Variants in BMAL1 observed in about 807,000 individuals in gnomAD.
BMAL1 encodes the protein basic helix-loop-helix ARNT like 1.
At chr11:13,326,924 A>G in the BMAL1 span, among the ~76,000 whole-genome samples, 1 of 151,830 alleles carries the variant, frequency 6.6e-6, no homozygotes, top group Non-Finnish European at 1.5e-5. Flanking sequence ...GGTTCACGCC[A>G]GTCTCCTGCC....
At chr11:13,305,909 T>C in the BMAL1 span, among the ~76,000 whole-genome samples, 1 of 152,198 alleles carries the variant, frequency 6.6e-6, no homozygotes, top group Admixed American at 6.5e-5. Context: ...CCTTGGCATT[T>C]CTGAGTTGCT....
the BMAL1 span, among the ~76,000 whole-genome samples, chr11:13,356,103 T>TGCTGTGACCCCAGGACTTCTGTG: frequency 2.6e-5 from 4 of 152,268 alleles, no homozygotes; most frequent in East Asian, 7.7e-4. Flanking sequence ...GGGAGATCCT[T>TGCTGTGACCCCAGGACTTCTGTG]GCTGTGACCC....
the BMAL1 span, among the ~76,000 whole-genome samples, chr11:13,381,715 G>C: frequency 6.6e-6 from 1 of 152,220 alleles, no homozygotes; most frequent in Non-Finnish European, 1.5e-5. Flanking sequence ...GGGATCTGCT[G>C]CCTGGGGGTT....
the BMAL1 span, among the ~76,000 whole-genome samples, chr11:13,349,547 T>C: frequency 3.9e-5 from 6 of 152,300 alleles, no homozygotes; most frequent in Non-Finnish European, 7.4e-5. Flanking sequence ...CATAAAACAA[T>C]AAGGATAGAG....
the BMAL1 span, among the ~76,000 whole-genome samples, chr11:13,350,412 T>C: frequency 6.6e-6 from 1 of 152,290 alleles, no homozygotes; most frequent in East Asian, 1.9e-4. Flanking sequence ...AATCATGAAA[T>C]ACTTCTTGAA....
the BMAL1 span, among the ~76,000 whole-genome samples, chr11:13,338,096 G>T: frequency 6.6e-6 from 1 of 152,074 alleles, no homozygotes; most frequent in Non-Finnish European, 1.5e-5. Context: ...ACCTTGAGCT[G>T]TACGACTCAT....
chr11:13,311,103 T>A, the BMAL1 span, among the ~76,000 whole-genome samples: 1 of 152,172 alleles, frequency 6.6e-6, no homozygotes, highest in Non-Finnish European at 1.5e-5. Context: ...GAAATGTAGA[T>A]GTTGGGGGTG....
chr11:13,342,533 T>C, the BMAL1 span, among the ~76,000 whole-genome samples: 1 of 152,200 alleles, frequency 6.6e-6, no homozygotes, highest in Non-Finnish European at 1.5e-5. Flanking sequence ...CAGACTCTGC[T>C]GCCCTTAGAC....
the BMAL1 span, among the ~76,000 whole-genome samples, chr11:13,329,808 G>A: frequency 6.9e-6 from 1 of 144,164 alleles, no homozygotes; most frequent in African/African-American, 2.5e-5. Context: ...GACCATTTCA[G>A]CCTGCTGGGC....
the BMAL1 span, among the ~76,000 whole-genome samples, chr11:13,282,657 T>C: frequency 1.7e-4 from 26 of 152,274 alleles, 1 homozygote; most frequent in African/African-American, 6.0e-4. Flanking sequence ...TTGTTTTCCT[T>C]CCTCCCCACA....
At chr11:13,357,476 G>A in the BMAL1 span, among the ~76,000 whole-genome samples, 34 of 152,198 alleles carry the variant, frequency 2.2e-4, no homozygotes, top group Non-Finnish European at 4.7e-4. This position sits in a 1 kb window ranked among gnomAD's most constrained non-coding sequence, Gnocchi z 4.8. Flanking sequence ...GGCCCCTATT[G>A]CACTGCGAGT....
the BMAL1 span, among the ~76,000 whole-genome samples, chr11:13,294,839 C>T: frequency 1.3e-5 from 2 of 152,196 alleles, no homozygotes; most frequent in East Asian, 3.8e-4. Context: ...CTCTCGGGCC[C>T]CTGCCGTTTC....
the BMAL1 span, chr11:13,360,264 C>T: frequency 1.6e-6 from 2 of 1,280,528 alleles, no homozygotes; most frequent in South Asian, 2.5e-5. Context: ...AGGCCACTTA[C>T]AGAAGGTTTG....
At chr11:13,291,951 G>T in the BMAL1 span, among the ~76,000 whole-genome samples, 2 of 152,314 alleles carry the variant, frequency 1.3e-5, no homozygotes, top group African/African-American at 4.8e-5. Flanking sequence ...TCTTGGTCAG[G>T]AACACAAGCT....
chr11:13,376,256 G>A, the BMAL1 span, among the ~76,000 whole-genome samples: 1 of 152,168 alleles, frequency 6.6e-6, no homozygotes, highest in African/African-American at 2.4e-5. Flanking sequence ...GCCTCTCTTT[G>A]GCCAGGCCTG....
At chr11:13,350,682 G>A in the BMAL1 span, among the ~76,000 whole-genome samples, 1 of 152,016 alleles carries the variant, frequency 6.6e-6, no homozygotes, top group Admixed American at 6.5e-5. Context: ...ATCCATTAGA[G>A]GGAAATAAGA....
the BMAL1 span, among the ~76,000 whole-genome samples, chr11:13,362,862 A>G: frequency 1.3e-5 from 2 of 152,076 alleles, no homozygotes; most frequent in Middle Eastern, 6.8e-3. Context: ...GTAATTTTTG[A>G]ACAAGGATCC....
At chr11:13,299,931 C>T in the BMAL1 span, among the ~76,000 whole-genome samples, 1 of 152,190 alleles carries the variant, frequency 6.6e-6, no homozygotes, top group Non-Finnish European at 1.5e-5. Flanking sequence ...CTGGAGAGGA[C>T]CAAGCTTGAC....
chr11:13,297,575 T>C, the BMAL1 span, among the ~76,000 whole-genome samples: 1 of 152,164 alleles, frequency 6.6e-6, no homozygotes, highest in Non-Finnish European at 1.5e-5. Context: ...AGGCTGCAGA[T>C]AGGCCTTCGC....
Sources: allele counts gnomAD v4.1 joint callset (sites outside exome capture counted in the v4.1 genomes callset), GRCh38; gene constraint gnomAD v4.1.1; non-coding constraint Gnocchi (gnomAD v3.1); transcripts MANE v1.5; gene names NCBI Gene and HGNC (gene_info 2026-07-23, HGNC 2026-07-21).